PCSK5: variants seen among roughly 807,000 people sequenced by gnomAD.
PCSK5 encodes proprotein convertase subtilisin/kexin type 5.
A neutral mutation model predicts 233.2 loss-of-function variants in PCSK5; 129 were observed. The observed-to-expected ratio is 0.55, with a 90% confidence interval of 0.48 to 0.64. The LOEUF is 0.64. Among genes scored for constraint, PCSK5 ranks in the 30% least tolerant of loss-of-function variants. PCSK5 has a pLI of 0.00. For missense variants in PCSK5, 2,076 were observed against 2,430.1 expected, an observed-to-expected ratio of 0.85 and a Z score of 3.06; for synonymous variants, 825 against 879.2, an observed-to-expected ratio of 0.94 and a Z score of 1.09.
chr9:76,196,557 C>A (rs957110279), intron 20 of PCSK5, among the ~76,000 whole-genome samples: 4 of 152,176 alleles, frequency 2.6e-5, no homozygotes, highest in African/African-American at 9.7e-5. Context: ...GTAAACCAGC[C>A]AAAGCCACAA....
chr9:75,912,741 A>C (rs140511783), intron 1 of PCSK5, among the ~76,000 whole-genome samples: 11 of 152,346 alleles, frequency 7.2e-5, no homozygotes, highest in Admixed American at 7.2e-4. Context: ...TACACATAGC[A>C]TAAAGAATGA....
intron 25 of PCSK5, 84 bp downstream of exon 25, chr9:76,292,359 C>T: frequency 3.4e-6 from 3 of 873,772 alleles, no homozygotes; most frequent in Non-Finnish European, 5.8e-6. Flanking sequence ...GCGATTAAAG[C>T]AAAGTGGCCC....
chr9:76,061,791 CATTGA>C (rs1190470579), intron 5 of PCSK5, among the ~76,000 whole-genome samples: 2 of 152,084 alleles, frequency 1.3e-5, no homozygotes, highest in African/African-American at 2.4e-5. Flanking sequence ...ATCCCAATTA[CATTGA>C]ATTGATCTTT....
At chr9:76,024,547 C>T (rs931906218) in intron 4 of PCSK5, among the ~76,000 whole-genome samples, 5 of 152,218 alleles carry the variant, frequency 3.3e-5, no homozygotes, top group African/African-American at 4.8e-5. Context: ...AGAATAGAAA[C>T]TATGGCTGCC....
At chr9:76,169,110 A>G (rs1348189075) in intron 12 of PCSK5, among the ~76,000 whole-genome samples, 1 of 152,242 alleles carries the variant, frequency 6.6e-6, no homozygotes, top group Non-Finnish European at 1.5e-5. Flanking sequence ...TCACACATGC[A>G]GAATCCACAG....
chr9:76,258,090 A>C (rs921740484), intron 24 of PCSK5, among the ~76,000 whole-genome samples: 4 of 152,158 alleles, frequency 2.6e-5, no homozygotes, highest in South Asian at 2.1e-4. Flanking sequence ...CTGGGAGAAC[A>C]GTCCCCACTC....
At chr9:76,203,237 C>T (rs1487414039) in intron 20 of PCSK5, among the ~76,000 whole-genome samples, 2 of 152,068 alleles carry the variant, frequency 1.3e-5, no homozygotes, top group South Asian at 2.1e-4. Flanking sequence ...CTCATTAAAG[C>T]CAATGCTTTA....
chr9:76,139,794 T>TAAAC (rs1168172981), intron 10 of PCSK5, among the ~76,000 whole-genome samples: 1 of 152,064 alleles, frequency 6.6e-6, no homozygotes, highest in African/African-American at 2.4e-5. Context: ...AAACAAAAAC[T>TAAAC]AAACAAACAA....
At chr9:76,078,737 T>C (rs949352746) in intron 7 of PCSK5, among the ~76,000 whole-genome samples, 1 of 152,210 alleles carries the variant, frequency 6.6e-6, no homozygotes, top group Non-Finnish European at 1.5e-5. Flanking sequence ...GCTTTTAGTA[T>C]AGTTTATACC....
At chr9:76,204,398 C>T (rs1029443335) in intron 20 of PCSK5, among the ~76,000 whole-genome samples, 2 of 152,166 alleles carry the variant, frequency 1.3e-5, no homozygotes, top group Non-Finnish European at 2.9e-5. Flanking sequence ...GATACCCCTA[C>T]ACCCATCTCA....
At chr9:76,214,833 T>A (rs930243958) in intron 20 of PCSK5, among the ~76,000 whole-genome samples, 8 of 152,162 alleles carry the variant, frequency 5.3e-5, no homozygotes, top group Admixed American at 3.9e-4. Context: ...AAACTGGCTC[T>A]GAGAATTAAG....
intron 10 of PCSK5, among the ~76,000 whole-genome samples, chr9:76,152,566 A>G (rs962918212): frequency 6.6e-6 from 1 of 152,176 alleles, no homozygotes; most frequent in African/African-American, 2.4e-5. Flanking sequence ...AGGAAGCTCA[A>G]ACTGTTTTCA....
chr9:76,268,226 A>G (rs1827397901), intron 24 of PCSK5, among the ~76,000 whole-genome samples: 1 of 152,194 alleles, frequency 6.6e-6, no homozygotes, highest in African/African-American at 2.4e-5. Flanking sequence ...AAAAGCTGCC[A>G]CTTTTGGAGC....
chr9:76,321,278 C>T (rs1829192161), intron 30 of PCSK5, 144 bp from the exon 31 acceptor site: 2 of 590,200 alleles, frequency 3.4e-6, no homozygotes, highest in Admixed American at 2.9e-5. Flanking sequence ...ATGTTCTTTT[C>T]ACTTCCTTAT....
At position 76,188,434 on chromosome 9, in the gene PCSK5, G is replaced by C. The variant is rs935261180; in HGVS notation, c.2283-144G>C. The C allele has an allele frequency of 1.7e-5, 10 of 593,092 alleles. No individual in the cohort carries two copies. In the East Asian group the frequency reaches 2.9e-4, roughly 17 times the overall value. The allele number at this position is 593,092 out of a possible 1,614,324, so 36.7% of individuals were successfully genotyped here. ...TGAGAGGAGAAAAAAAAGGGTACAC[G>C]GGCTATTTCCCCGGCTTTGAAGCTT... On this transcript the variant is annotated intron_variant, in intron 17 of 37. Transcript: ENST00000674117.
chr9:76,036,489 A>G (rs949336632), intron 5 of PCSK5, among the ~76,000 whole-genome samples: 2 of 152,130 alleles, frequency 1.3e-5, no homozygotes, highest in African/African-American at 4.8e-5. Context: ...TTTATTGACT[A>G]TGTCTGTGAC....
chr9:75,926,932 C>T (rs62555879), intron 1 of PCSK5, among the ~76,000 whole-genome samples: 3 of 152,172 alleles, frequency 2.0e-5, no homozygotes, highest in Admixed American at 6.5e-5. Context: ...ATTCTGTGAA[C>T]GTTTATGAGT....
chr9:75,963,011 C>T (rs145665315), intron 2 of PCSK5, among the ~76,000 whole-genome samples: 102 of 152,282 alleles, frequency 6.7e-4, no homozygotes, highest in Non-Finnish European at 1.3e-3. Context: ...TTTCCTCATC[C>T]ATAATAATGT....
At chr9:75,984,536 T>C (rs1218365690) in intron 2 of PCSK5, among the ~76,000 whole-genome samples, 2 of 152,188 alleles carry the variant, frequency 1.3e-5, no homozygotes, top group Non-Finnish European at 1.5e-5. Context: ...ATAATACTTA[T>C]AGACAGTAAT....
Sources: gnomAD v4.1 joint callset for allele counts (sites outside exome capture counted in the v4.1 genomes callset) on GRCh38, gnomAD v4.1.1 for gene constraint, MANE v1.5 for transcripts, NCBI Gene and HGNC (gene_info 2026-07-23, HGNC 2026-07-21) for gene names.